Variants in SHISA9 observed in about 807,000 individuals in gnomAD.
SHISA9 encodes the protein shisa family member 9.
In SHISA9, 13 loss-of-function variants were observed where a neutral mutation model predicts 38.0. That is an observed-to-expected ratio of 0.34 (90% CI 0.22 to 0.54). The LOEUF is 0.54. SHISA9 is among the 20% of genes least tolerant of loss of function. SHISA9 has a pLI of 0.91. For synonymous variants in SHISA9, 275 were observed against 242.0 expected, an observed-to-expected ratio of 1.14 and a Z score of -1.27; for missense variants, 538 against 575.8, an observed-to-expected ratio of 0.93 and a Z score of 0.67.
chr16:13,035,667 A>G (rs2073050215), intron 2 of SHISA9, among the ~76,000 whole-genome samples: 2 of 151,978 alleles, frequency 1.3e-5, no homozygotes, highest in African/African-American at 4.8e-5. Flanking sequence ...AGTAGCTGGG[A>G]CTATGGGTAC....
At chr16:13,027,348 G>T (rs1413956781) in intron 2 of SHISA9, among the ~76,000 whole-genome samples, 4 of 152,178 alleles carry the variant, frequency 2.6e-5, no homozygotes, top group Admixed American at 6.5e-5. Flanking sequence ...TAGCTAGTTA[G>T]AGGTGCCCCA....
chr16:12,970,497 A>AT lies in SHISA9; in HGVS notation c.691+53713dup, dbSNP rs146879130. On this transcript the variant is annotated intron_variant, in intron 2 of 4. Coordinates refer to ENST00000558583, the MANE Select transcript of SHISA9 (RefSeq NM_001145204.3). ...TATATATATATATATATATATATAT[A>AT]TTTTTTTTTTTTTTTTTTTTTTTTT... Among the ~76,000 whole-genome samples the AT allele has an allele frequency of 1.3e-3, 22 of 17,586 alleles. 2 individuals are homozygous for AT. Among genetic ancestry groups the AT allele is most frequent in the African/African-American group, 2.2e-3 (9 of 4,098 alleles). The allele number at this position is 17,586 out of a possible 152,430, so 11.5% of individuals were successfully genotyped here.
intron 2 of SHISA9, among the ~76,000 whole-genome samples, chr16:13,051,529 C>T (rs575517195): frequency 1.3e-5 from 2 of 152,310 alleles, no homozygotes; most frequent in South Asian, 2.1e-4. Flanking sequence ...CTTCACTTTA[C>T]ACACCTTCTC....
At chr16:13,469,365 A>AAAAGAAAAG in the SHISA9 span, among the ~76,000 whole-genome samples, 6 of 64,456 alleles carry the variant, frequency 9.3e-5, no homozygotes, top group African/African-American at 3.3e-4. Flanking sequence ...AAAGAAAAGA[A>AAAAGAAAAG]AAAGAAAGAA....
At chr16:13,150,298 T>C (rs77294425) in intron 2 of SHISA9, among the ~76,000 whole-genome samples, 3,955 of 152,152 alleles carry the variant, frequency 0.026, 166 homozygotes, top group African/African-American at 0.089. Context: ...TCTACTCACC[T>C]TTCAAGAGGA....
the SHISA9 span, among the ~76,000 whole-genome samples, chr16:13,335,601 C>T: frequency 6.6e-6 from 1 of 152,206 alleles, no homozygotes; most frequent in Non-Finnish European, 1.5e-5. Flanking sequence ...TCAGCTCCAT[C>T]CTTAACTTGT....
At chr16:13,445,066 T>C in the SHISA9 span, among the ~76,000 whole-genome samples, 22 of 148,322 alleles carry the variant, frequency 1.5e-4, no homozygotes, top group African/African-American at 5.4e-4. Flanking sequence ...CTTGTCTTGT[T>C]GCCCAGGCTG....
the SHISA9 span, among the ~76,000 whole-genome samples, chr16:13,378,896 C>T: frequency 6.6e-6 from 1 of 152,204 alleles, no homozygotes; most frequent in South Asian, 2.1e-4. Context: ...TTCAGTTCCT[C>T]TGGGGATGGA....
the SHISA9 span, among the ~76,000 whole-genome samples, chr16:13,390,832 G>A: frequency 6.6e-6 from 1 of 152,194 alleles, no homozygotes; most frequent in African/African-American, 2.4e-5. Flanking sequence ...AAATACTTAG[G>A]TGACTTCTCT....
chr16:13,002,712 T>A (rs1004149893), intron 2 of SHISA9, among the ~76,000 whole-genome samples: 16 of 151,882 alleles, frequency 1.1e-4, no homozygotes, highest in African/African-American at 3.6e-4. Context: ...TTTGTATTTT[T>A]AATAGAGATG....
chr16:13,426,108 A>G, the SHISA9 span, among the ~76,000 whole-genome samples: 1 of 152,196 alleles, frequency 6.6e-6, no homozygotes, highest in East Asian at 1.9e-4. Context: ...TAGGAACTTC[A>G]CAGTTCAAAG....
the SHISA9 span, among the ~76,000 whole-genome samples, chr16:13,367,659 G>GA: frequency 9.4e-5 from 14 of 148,630 alleles, no homozygotes; most frequent in Non-Finnish European, 1.9e-4. Flanking sequence ...GATGCGGGGG[G>GA]GAATGAAGAT....
the SHISA9 span, among the ~76,000 whole-genome samples, chr16:13,419,512 C>A: frequency 6.6e-6 from 1 of 152,144 alleles, no homozygotes; most frequent in Non-Finnish European, 1.5e-5. Flanking sequence ...AAACCTTAGC[C>A]TTTGTTAGCG....
At chr16:13,312,410 C>G in the SHISA9 span, among the ~76,000 whole-genome samples, 3 of 152,196 alleles carry the variant, frequency 2.0e-5, no homozygotes, top group Non-Finnish European at 4.4e-5. Context: ...CTGTCCCCCC[C>G]TCAGTCATGG....
intron 2 of SHISA9, among the ~76,000 whole-genome samples, chr16:13,122,253 TTTG>T (rs1421644733): frequency 6.6e-6 from 1 of 152,224 alleles, no homozygotes; most frequent in Non-Finnish European, 1.5e-5. Flanking sequence ...GCCGAATTCT[TTTG>T]CTGCTGCTCA....
intron 2 of SHISA9, among the ~76,000 whole-genome samples, chr16:12,986,100 A>AT (rs34202240): frequency 0.1 from 15,795 of 151,892 alleles, 1,216 homozygotes; most frequent in African/African-American, 0.21. Flanking sequence ...TCTTTACTGT[A>AT]TTTTTTTTCA....
chr16:13,104,150 G>C (rs1320302451), intron 2 of SHISA9, among the ~76,000 whole-genome samples: 1 of 152,022 alleles, frequency 6.6e-6, no homozygotes, highest in Admixed American at 6.6e-5. Context: ...GTTGTCTAAG[G>C]GGGCCAGGTT....
chr16:13,402,495 A>G, the SHISA9 span, among the ~76,000 whole-genome samples: 1 of 150,298 alleles, frequency 6.7e-6, no homozygotes, highest in Non-Finnish European at 1.5e-5. Flanking sequence ...GATGTCACCT[A>G]CATTGGAGAG....
chr16:13,032,130 G>A (rs1282994246), intron 2 of SHISA9, among the ~76,000 whole-genome samples: 1 of 151,920 alleles, frequency 6.6e-6, no homozygotes, highest in East Asian at 1.9e-4. Context: ...TAGGTTTTAA[G>A]CCCCGCGTGC....
Sources: allele counts gnomAD v4.1 joint callset (sites outside exome capture counted in the v4.1 genomes callset), GRCh38; gene constraint gnomAD v4.1.1; transcripts MANE v1.5; gene names NCBI Gene and HGNC (gene_info 2026-07-23, HGNC 2026-07-21).